PTPRD: variants seen among roughly 807,000 people sequenced by gnomAD.
PTPRD encodes protein tyrosine phosphatase receptor type D, also known as receptor-type tyrosine-protein phosphatase delta.
A neutral mutation model predicts 214.5 loss-of-function variants in PTPRD; 34 were observed. That is an observed-to-expected ratio of 0.16 (90% CI 0.12 to 0.21). PTPRD has a LOEUF of 0.21. Among genes scored for constraint, PTPRD ranks in the 10% least tolerant of loss-of-function variants. The pLI, the probability that PTPRD is intolerant of heterozygous loss-of-function variation, is 1.00. For missense variants in PTPRD, 2,545 were observed against 2,398.7 expected (o/e 1.06, Z -1.27); for synonymous variants, 1,128 against 845.7 (o/e 1.33, Z -5.79).
At chr9:9,142,644 T>C (rs1222436020) in intron 10 of PTPRD, among the ~76,000 whole-genome samples, 2 of 152,214 alleles carry the variant, frequency 1.3e-5, no homozygotes, top group Admixed American at 1.3e-4. Flanking sequence ...TGTACATCAC[T>C]TGATATAAAA....
intron 3 of PTPRD, among the ~76,000 whole-genome samples, chr9:10,070,631 T>A (rs1183944502): frequency 6.6e-6 from 1 of 152,062 alleles, no homozygotes; most frequent in African/African-American, 2.4e-5. Context: ...CTTCTTTGAT[T>A]ACATTTTAAT....
intron 11 of PTPRD, among the ~76,000 whole-genome samples, chr9:8,875,331 TG>T (rs2098375890): frequency 6.6e-6 from 1 of 152,026 alleles, no homozygotes; most frequent in Non-Finnish European, 1.5e-5. Context: ...TTCGAGAGCC[TG>T]GGCAACAGAA....
intron 11 of PTPRD, among the ~76,000 whole-genome samples, chr9:9,008,530 CT>C (rs1421111940): frequency 6.6e-6 from 1 of 151,892 alleles, no homozygotes; most frequent in Middle Eastern, 3.2e-3. Context: ...CCGGCCTCCC[CT>C]TCATTATTTA....
At position 10,093,476 on chromosome 9, in the gene PTPRD, G is replaced by A. The variant is rs1388890340; in HGVS notation, c.-544-59686C>T. ...ATCCTGGCATGGCAGCAGAAAAACG[G>A]GAATGCTTATACTCTGTTGGTGGGA... On this transcript the variant is annotated intron_variant, in intron 3 of 45. Coordinates refer to ENST00000381196, the MANE Select transcript of PTPRD (RefSeq NM_002839.4). Among the ~76,000 whole-genome samples, 11 of 151,398 alleles carry A rather than the reference G, an allele frequency of 7.3e-5. 1 individual carries two copies. Among genetic ancestry groups the A allele is most frequent in the Admixed American group, 6.6e-4 (10 of 15,136 alleles).
intron 9 of PTPRD, among the ~76,000 whole-genome samples, chr9:9,223,755 T>C (rs2099957662): frequency 6.6e-6 from 1 of 151,958 alleles, no homozygotes; most frequent in South Asian, 2.1e-4. Context: ...CAAATGCACG[T>C]GGTTTAATTA....
intron 11 of PTPRD, among the ~76,000 whole-genome samples, chr9:8,836,442 A>G (rs1485158260): frequency 1.3e-5 from 2 of 152,112 alleles, no homozygotes; most frequent in Admixed American, 6.6e-5. Flanking sequence ...ACATTAGGAC[A>G]TCTACTCGAC....
chr9:8,327,644 T>A lies in PTPRD; in HGVS notation c.5534+3938A>T, dbSNP rs1835303651. ...TAATATTGACAGTGGGGTGTTAAAG[T>A]CTCCCACTATTATTGTGTGGGAGTC... On this transcript the variant is annotated intron_variant, in intron 44 of 45. Transcript: ENST00000381196. Among the ~76,000 whole-genome samples the A allele has an allele frequency of 3.9e-5, 6 of 152,120 alleles. No homozygotes were observed. In the South Asian group the frequency reaches 1.2e-3, roughly 32 times the overall value.
chr9:8,330,302 C>T lies in PTPRD; in HGVS notation c.5534+1280G>A, dbSNP rs555397486. 2.6e-5 allele frequency among the ~76,000 whole-genome samples: 4 copies of T among 152,242 alleles called. No homozygotes were observed. In the East Asian group the frequency reaches 5.8e-4, roughly 22 times the overall value. ...CTGGGAACAGCAGACCAGAGCTATT[C>T]CTATTCAGCCATCTTTCCAGCTCTT... is the stretch of plus-strand genomic sequence containing the variant. On this transcript the variant is annotated intron_variant, in intron 44 of 45. Coordinates refer to ENST00000381196, the MANE Select transcript of PTPRD (RefSeq NM_002839.4).
rs1338928285 is a variant in PTPRD at position 8,848,313 on chromosome 9, C to CTCT, written c.-103-114368_-103-114367insAGA. On this transcript the variant is annotated intron_variant, in intron 11 of 45. Transcript: ENST00000381196. ...TACTTATTAATGCTTAAGATTTTTC[C>CTCT]TTTTTTTTTTTTTTTTTTTTTTTTT... Among the ~76,000 whole-genome samples the CTCT allele has an allele frequency of 2.0e-3, 268 of 132,634 alleles. 1 individual carries two copies. The highest frequency in any genetic ancestry group is 7.1e-3 in the African/African-American group (253 of 35,656). The allele number at this position is 132,634 out of a possible 152,430, so 87.0% of individuals were successfully genotyped here.
At chr9:9,036,556 T>G (rs890474373) in intron 10 of PTPRD, among the ~76,000 whole-genome samples, 9 of 152,146 alleles carry the variant, frequency 5.9e-5, no homozygotes, top group African/African-American at 2.2e-4. Flanking sequence ...CAATAGTAGT[T>G]TATTAATTGT....
chr9:10,401,582 A>AT (rs2098270288), intron 2 of PTPRD, among the ~76,000 whole-genome samples: 2 of 147,462 alleles, frequency 1.4e-5, no homozygotes, highest in African/African-American at 4.9e-5. Flanking sequence ...TATATATATA[A>AT]ACAGGTACAT....
chr9:9,000,631 T>C (rs2099414379), intron 11 of PTPRD, among the ~76,000 whole-genome samples: 1 of 151,982 alleles, frequency 6.6e-6, no homozygotes, highest in Non-Finnish European at 1.5e-5. Context: ...TCTGGACACC[T>C]GACATTTTAA....
chr9:9,140,443 T>C lies in PTPRD; in HGVS notation c.-143+42861A>G, dbSNP rs1161973895. Among the ~76,000 whole-genome samples the C allele has an allele frequency of 3.9e-5, 6 of 152,284 alleles. No individual in the cohort carries two copies. The East Asian group carries it at 1.2e-3, about 29-fold the overall frequency. ...ACTAAAGAAGGACAGATATAACCTTTGAAAAATATCTGAGGGTCTCCAAGA... is the reference window on the plus strand; with the variant it reads ...ACTAAAGAAGGACAGATATAACCTTCGAAAAATATCTGAGGGTCTCCAAGA... On this transcript the variant is annotated intron_variant, in intron 10 of 45. Coordinates refer to ENST00000381196, the MANE Select transcript of PTPRD (RefSeq NM_002839.4).
intron 12 of PTPRD, among the ~76,000 whole-genome samples, chr9:8,657,835 A>G (rs1323434981): frequency 6.6e-6 from 1 of 152,190 alleles, no homozygotes; most frequent in Non-Finnish European, 1.5e-5. Context: ...CTAAAAGTCT[A>G]TCTAACTAAA....
chr9:10,141,665 G>A (rs1412781742), intron 3 of PTPRD, among the ~76,000 whole-genome samples: 1 of 151,926 alleles, frequency 6.6e-6, no homozygotes, highest in Admixed American at 6.6e-5. Flanking sequence ...TCGTGAAAAT[G>A]GCCATACTGC....
At chr9:9,881,115 A>C (rs2068540106) in intron 5 of PTPRD, among the ~76,000 whole-genome samples, 1 of 152,282 alleles carries the variant, frequency 6.6e-6, no homozygotes, top group South Asian at 2.1e-4. Flanking sequence ...CAGTGAAGTG[A>C]AACTTCACTC....
chr9:8,468,590 T>C (rs1480508382), intron 31 of PTPRD, among the ~76,000 whole-genome samples: 1 of 151,880 alleles, frequency 6.6e-6, no homozygotes, highest in Non-Finnish European at 1.5e-5. Flanking sequence ...CCTCTTTCAA[T>C]TTCTTATGGG....
chr9:8,875,931 C>T lies in PTPRD; in HGVS notation c.-103-141985G>A, dbSNP rs185226771. Among the ~76,000 whole-genome samples, 326 of 152,272 alleles carry T rather than the reference C, an allele frequency of 2.1e-3. 2 individuals carry two copies. Among genetic ancestry groups the T allele is most frequent in the Non-Finnish European group, 2.1e-3 (142 of 68,018 alleles). On this transcript the variant is annotated intron_variant, in intron 11 of 45. Transcript: ENST00000381196. ...ATGGAAAGATGGAAAAACACACACA[C>T]AAACATTCTTTATGATGCCGAGACA...
At chr9:8,673,169 T>C (rs1161969938) in intron 12 of PTPRD, among the ~76,000 whole-genome samples, 1 of 152,120 alleles carries the variant, frequency 6.6e-6, no homozygotes, top group African/African-American at 2.4e-5. Context: ...TCTCTCAAAG[T>C]ATTTTTCTCT....
Sources: allele counts gnomAD v4.1 joint callset (sites outside exome capture counted in the v4.1 genomes callset), GRCh38; gene constraint gnomAD v4.1.1; transcripts MANE v1.5; gene names NCBI Gene and HGNC (gene_info 2026-07-23, HGNC 2026-07-21).